TANC2: variants seen among roughly 807,000 people sequenced by gnomAD.
TANC2 encodes the protein protein TANC2.
In TANC2, 26 loss-of-function variants were observed where a neutral mutation model predicts 210.5. The ratio of observed to expected loss-of-function variants is 0.12; its 90% CI spans 0.09 to 0.17. TANC2 has a LOEUF of 0.17. Among genes scored for constraint, TANC2 ranks in the 10% least tolerant of loss-of-function variants. The pLI, the probability that TANC2 is intolerant of heterozygous loss-of-function variation, is 1.00. For synonymous variants in TANC2, 931 were observed against 967.1 expected, an observed-to-expected ratio of 0.96 and a Z score of 0.69; for missense variants, 2,129 against 2,608.9, an observed-to-expected ratio of 0.82 and a Z score of 4.01.
chr17:63,378,927 T>C lies in TANC2; in HGVS notation c.2583-791T>C, dbSNP rs1414783552. ...AGTGTGAGGTACTGAGACCTCCAAA[T>C]GGGGAAGTACAATAGACAGTTGGAT... On this transcript the variant is annotated intron_variant, in intron 14 of 27. Coordinates refer to ENST00000689528, the Ensembl canonical transcript of TANC2. 2.0e-5 allele frequency among the ~76,000 whole-genome samples: 3 copies of C among 151,102 alleles called. 1 individual carries two copies. The highest frequency in any genetic ancestry group is 6.8e-5 in the Admixed American group (1 of 14,640).
At chr17:63,172,976 G>A (rs2040454336) in intron 5 of TANC2, among the ~76,000 whole-genome samples, 1 of 152,088 alleles carries the variant, frequency 6.6e-6, no homozygotes, top group East Asian at 1.9e-4. Flanking sequence ...CTTCTTCCAT[G>A]GAAGGGAGGC....
At chr17:62,991,898 TG>T (rs1166528288) in intron 1 of TANC2, among the ~76,000 whole-genome samples, 2 of 152,092 alleles carry the variant, frequency 1.3e-5, no homozygotes, top group African/African-American at 4.8e-5. Context: ...GGTGGAGTGG[TG>T]GAGGGGAGTT....
At chr17:63,266,071 T>C (rs1273431139) in intron 8 of TANC2, among the ~76,000 whole-genome samples, 2 of 152,088 alleles carry the variant, frequency 1.3e-5, no homozygotes, top group African/African-American at 2.4e-5. Flanking sequence ...AGTTGAAATA[T>C]GGTGTATCAA....
At chr17:63,131,518 A>G (rs2038918263) in intron 4 of TANC2, among the ~76,000 whole-genome samples, 1 of 143,212 alleles carries the variant, frequency 7.0e-6, no homozygotes, top group Non-Finnish European at 1.5e-5. Context: ...TTACTGTTTA[A>G]AACAATTACT....
rs148340900 is a variant in TANC2, at chr17:63,272,893, C to T, written c.1159+5020C>T. 7.7e-3 allele frequency among the ~76,000 whole-genome samples: 1,173 copies of T among 152,182 alleles called. 6 individuals carry two copies. The highest frequency in any genetic ancestry group is 0.012 in the Non-Finnish European group (808 of 67,994). On this transcript the variant is annotated intron_variant, in intron 9 of 27. Coordinates refer to ENST00000689528, the Ensembl canonical transcript of TANC2. ...AGAACATTTGAGGTGACAAGCCATG[C>T]ATTGATTGGGAACTTCATATAGGCA...
chr17:63,217,133 A>G (rs2042046861), intron 7 of TANC2, among the ~76,000 whole-genome samples: 1 of 152,216 alleles, frequency 6.6e-6, no homozygotes, highest in East Asian at 1.9e-4. Flanking sequence ...TTTTAAATCA[A>G]TGAACTGAAT....
chr17:63,129,503 AG>A (rs1452842810), intron 4 of TANC2, among the ~76,000 whole-genome samples: 2 of 152,182 alleles, frequency 1.3e-5, no homozygotes, highest in Non-Finnish European at 2.9e-5. Flanking sequence ...TTAACTCCTG[AG>A]GTCAGGAGTT....
intron 7 of TANC2, among the ~76,000 whole-genome samples, chr17:63,234,233 A>G (rs1467237702): frequency 6.6e-6 from 1 of 152,216 alleles, no homozygotes; most frequent in African/African-American, 2.4e-5. Flanking sequence ...ACAGTACTAT[A>G]TTCCTAGCAG....
intron 19 of TANC2, 107 bp downstream of exon 19, chr17:63,399,021 A>G: frequency 4.0e-6 from 3 of 758,896 alleles, no homozygotes; most frequent in Non-Finnish European, 6.3e-6. Context: ...CTTCTGTCTC[A>G]GGCTTTTGTA....
Position 63,184,949 on chromosome 17 carries a change from A to T in TANC2, c.434-9042A>T, listed in dbSNP as rs116223574. Among the ~76,000 whole-genome samples the T allele has an allele frequency of 8.7e-3, 1,291 of 148,954 alleles. 16 individuals are homozygous for T. The highest frequency in any genetic ancestry group is 0.029 in the African/African-American group (1,183 of 40,580). ...ACCCAGCCCTATGTATTCTTTTGAA[A>T]CTATCTTCTTTTGTTCAGTAATACG... On this transcript the variant is annotated intron_variant, in intron 5 of 27. Coordinates refer to ENST00000689528, the Ensembl canonical transcript of TANC2.
At chr17:63,004,119 AT>A (rs2033506339) in intron 1 of TANC2, among the ~76,000 whole-genome samples, 1 of 152,214 alleles carries the variant, frequency 6.6e-6, no homozygotes, top group South Asian at 2.1e-4. Flanking sequence ...GACATTTCAC[AT>A]TTAGCTGTTG....
intron 5 of TANC2, among the ~76,000 whole-genome samples, chr17:63,165,012 T>C (rs747882827): frequency 6.6e-6 from 1 of 152,128 alleles, no homozygotes; most frequent in Non-Finnish European, 1.5e-5. Flanking sequence ...CCAGGTGCAA[T>C]GGCTCACACC....
Position 63,337,439 on chromosome 17 carries a change from C to CT in TANC2, c.1576-2660dup, listed in dbSNP as rs1355062863. ...TCTTGAACTCTATTAATTCTAATAG[C>CT]TTGTTTTTCTCTATATAGATAACTA... On this transcript the variant is annotated intron_variant, in intron 11 of 27. Transcript: ENST00000689528. 1.6e-4 allele frequency among the ~76,000 whole-genome samples: 24 copies of CT among 152,016 alleles called. No individual in the cohort carries two copies. The South Asian group carries it at 4.6e-3, about 29-fold the overall frequency.
At chr17:63,224,225 C>G (rs2042269384) in intron 7 of TANC2, among the ~76,000 whole-genome samples, 1 of 151,848 alleles carries the variant, frequency 6.6e-6, no homozygotes, top group South Asian at 2.1e-4. Context: ...GTCAAAGCAC[C>G]CTGGTTGCTC....
At chr17:63,147,542 G>A (rs907868759) in intron 4 of TANC2, among the ~76,000 whole-genome samples, 2 of 152,130 alleles carry the variant, frequency 1.3e-5, no homozygotes, top group African/African-American at 2.4e-5. Context: ...ACGATCACCT[G>A]CAGGGCTTGC....
intron 2 of TANC2, among the ~76,000 whole-genome samples, chr17:63,057,354 T>C (rs2035842613): frequency 6.6e-6 from 1 of 152,208 alleles, no homozygotes; most frequent in African/African-American, 2.4e-5. Flanking sequence ...TGATATAAGA[T>C]GCCATAGATT....
chr17:62,996,347 A>G (rs867696876), intron 1 of TANC2, among the ~76,000 whole-genome samples: 2 of 152,240 alleles, frequency 1.3e-5, no homozygotes, highest in Non-Finnish European at 2.9e-5. Context: ...GCCTGTAGCA[A>G]TAGCGGAGTC....
intron 15 of TANC2, among the ~76,000 whole-genome samples, chr17:63,382,014 G>A (rs747567655): frequency 6.6e-6 from 1 of 152,138 alleles, no homozygotes; most frequent in Non-Finnish European, 1.5e-5. Flanking sequence ...ATCCTGGCTG[G>A]TAATGGGATC....
At chr17:63,184,028 G>A (rs1337745160) in intron 5 of TANC2, among the ~76,000 whole-genome samples, 12 of 150,386 alleles carry the variant, frequency 8.0e-5, no homozygotes, top group African/African-American at 2.0e-4. Context: ...AAAAAAAAAA[G>A]AAATGCAAAT....
Sources: gnomAD v4.1 joint callset for allele counts (sites outside exome capture counted in the v4.1 genomes callset) on GRCh38, gnomAD v4.1.1 for gene constraint, MANE v1.5 for transcripts, NCBI Gene and HGNC (gene_info 2026-07-23, HGNC 2026-07-21) for gene names.